Variants in RPGRIP1L observed in about 807,000 individuals in gnomAD.
RPGRIP1L encodes protein fantom.
In RPGRIP1L, 131 loss-of-function variants were observed where a neutral mutation model predicts 160.4. That is an observed-to-expected ratio of 0.82 (90% CI 0.71 to 0.94). The LOEUF (loss-of-function observed/expected upper bound fraction) is 0.94, where lower values mean the gene tolerates loss of function less well. Ranked by LOEUF, RPGRIP1L falls within the 40% of genes least tolerant of loss-of-function variation. RPGRIP1L has a pLI of 0.00. For missense variants in RPGRIP1L, 1,522 were observed against 1,535.8 expected, an observed-to-expected ratio of 0.99 and a Z score of 0.15; for synonymous variants, 510 against 515.8, an observed-to-expected ratio of 0.99 and a Z score of 0.15.
chr16:53,616,126 A>G (rs1004497036), intron 24 of RPGRIP1L, among the ~76,000 whole-genome samples: 1 of 152,186 alleles, frequency 6.6e-6, no homozygotes, highest in Non-Finnish European at 1.5e-5. Flanking sequence ...TTCAAACAGG[A>G]GACAGCATGT....
chr16:53,651,078 T>C (rs528566174), intron 15 of RPGRIP1L, among the ~76,000 whole-genome samples: 4 of 152,348 alleles, frequency 2.6e-5, no homozygotes, highest in African/African-American at 9.6e-5. Context: ...GGATGTCTAA[T>C]AGGCGGGTCA....
At chr16:53,620,486 G>C (rs1964637477) in intron 23 of RPGRIP1L, among the ~76,000 whole-genome samples, 1 of 152,112 alleles carries the variant, frequency 6.6e-6, no homozygotes, top group Non-Finnish European at 1.5e-5. Context: ...ACACCATTCT[G>C]TCTCCACTAA....
chr16:53,664,121 T>C (rs1182511501), intron 10 of RPGRIP1L, among the ~76,000 whole-genome samples: 1 of 152,210 alleles, frequency 6.6e-6, no homozygotes, highest in Non-Finnish European at 1.5e-5. Flanking sequence ...TAACAACACT[T>C]AAAGCAAATA....
chr16:53,622,963 C>T (rs1386619153), intron 22 of RPGRIP1L, among the ~76,000 whole-genome samples: 1 of 151,978 alleles, frequency 6.6e-6, no homozygotes, highest in Non-Finnish European at 1.5e-5. Context: ...CTTGCCACTG[C>T]ACTCTATGCA....
At chr16:53,688,826 C>T (rs561026996) in intron 4 of RPGRIP1L, among the ~76,000 whole-genome samples, 2 of 152,038 alleles carry the variant, frequency 1.3e-5, no homozygotes, top group South Asian at 4.1e-4. Context: ...CTATTACTCG[C>T]TCTTTCCAAA....
Position 53,658,003 on chromosome 16 carries a change from T to G in RPGRIP1L, c.1402-371A>C, listed in dbSNP as rs866494970. 1.5e-4 allele frequency among the ~76,000 whole-genome samples: 23 copies of G among 152,308 alleles called. 1 individual carries two copies. In the Middle Eastern group the frequency reaches 0.01, roughly 68 times the overall value. On this transcript the variant is annotated intron_variant, in intron 12 of 26. Transcript: ENST00000647211. ...GTGTCTTATAAATAACAGAATATTCTAGAATTAAAAATTATCTTCTTGAGA... is the reference window on the plus strand; with the variant it reads ...GTGTCTTATAAATAACAGAATATTCGAGAATTAAAAATTATCTTCTTGAGA...
At chr16:53,699,818 A>G (rs1212739661) in intron 2 of RPGRIP1L, among the ~76,000 whole-genome samples, 1 of 47,712 alleles carries the variant, frequency 2.1e-5, no homozygotes, top group South Asian at 5.8e-4. Context: ...ACTTCGTCTC[A>G]AAAAAAAAAA....
intron 4 of RPGRIP1L, among the ~76,000 whole-genome samples, chr16:53,689,920 G>A (rs1348570467): frequency 6.6e-6 from 1 of 152,188 alleles, no homozygotes; most frequent in Non-Finnish European, 1.5e-5. Flanking sequence ...ATGTAGTCAT[G>A]TTTTTAAGAG....
chr16:53,610,101 GCCGAGGGAGGA>G (rs1183658256), intron 25 of RPGRIP1L, among the ~76,000 whole-genome samples: 1 of 152,032 alleles, frequency 6.6e-6, no homozygotes, highest in African/African-American at 2.4e-5. Flanking sequence ...GGGTACTCAA[GCCGAGGGAGGA>G]CGGCCAGCAA....
chr16:53,692,250 C>G lies in RPGRIP1L; in HGVS notation c.345G>C (p.Leu115=), dbSNP rs1970435826. 17 of 1,614,054 alleles carry G rather than the reference C, an allele frequency of 1.1e-5. No individual in the cohort carries two copies. The highest frequency in any genetic ancestry group is 1.3e-5 in the African/African-American group (1 of 74,916). ...DVEMEEMIEQ[L]QEKVHELEKQ... ...TTTCAAGCTCATGAACTTTCTCTTG[C>G]AGCTGCTCAATCATTTCTTCCATTT... is the stretch of plus-strand genomic sequence containing the variant. The change falls in exon 4 of 27, where the codon CTG becomes CTC. Residue 115 remains leucine, a synonymous_variant. Coordinates refer to ENST00000647211, the MANE Select transcript of RPGRIP1L (RefSeq NM_015272.5).
chr16:53,685,196 CA>C (rs972528209), intron 6 of RPGRIP1L, among the ~76,000 whole-genome samples: 13 of 151,838 alleles, frequency 8.6e-5, no homozygotes, highest in African/African-American at 2.9e-4. Context: ...ACTGGCGAGT[CA>C]AAAAACAACA....
chr16:53,606,222 AC>A (rs1371479329), intron 25 of RPGRIP1L, among the ~76,000 whole-genome samples: 21 of 152,206 alleles, frequency 1.4e-4, no homozygotes, highest in Non-Finnish European at 1.8e-4. Flanking sequence ...GTTTTATTTT[AC>A]TTTAAGACAT....
At chr16:53,697,357 C>T (rs1314163091) in intron 2 of RPGRIP1L, among the ~76,000 whole-genome samples, 2 of 137,030 alleles carry the variant, frequency 1.5e-5, no homozygotes, top group African/African-American at 5.0e-5. Flanking sequence ...TCTCCCTCTC[C>T]CCACGGTCTC....
chr16:53,654,846 A>T (rs767007340), intron 14 of RPGRIP1L, among the ~76,000 whole-genome samples: 91 of 152,306 alleles, frequency 6.0e-4, no homozygotes, highest in Admixed American at 3.5e-3. Flanking sequence ...ACAAATTTTT[A>T]TTGAGTACTA....
rs1598354865 is a variant in RPGRIP1L at position 53,663,518 on chromosome 16, G to A, written c.1243+1352C>T. On this transcript the variant is annotated intron_variant, in intron 10 of 26. Coordinates refer to ENST00000647211, the MANE Select transcript of RPGRIP1L (RefSeq NM_015272.5). ...TTGGAAAAGAGAGAGGGAATATAGA[G>A]CACTTCCACATTTTTACCTAAACAA... Among the ~76,000 whole-genome samples the A allele has an allele frequency of 2.0e-5, 3 of 152,150 alleles. 1 individual carries two copies. The highest frequency in any genetic ancestry group is 4.4e-5 in the Non-Finnish European group (3 of 67,934).
At chr16:53,622,683 G>A (rs747757149) in intron 22 of RPGRIP1L, among the ~76,000 whole-genome samples, 12 of 152,034 alleles carry the variant, frequency 7.9e-5, no homozygotes, top group Non-Finnish European at 1.6e-4. Context: ...AGCACTTTGG[G>A]AGGCTGAGGA....
In RPGRIP1L at chr16:53,615,472, A is replaced by AT. The variant is rs1166401715; in HGVS notation, c.3616+3552dup. On this transcript the variant is annotated intron_variant, in intron 24 of 26. Transcript: ENST00000647211. The stretch of plus-strand genomic sequence containing the variant: ...TAAGAATATATATATATATATATAT[A>AT]TTTTTTTTTTTTTTTTTTTGAGATG... 2.9e-3 allele frequency among the ~76,000 whole-genome samples: 215 copies of AT among 75,022 alleles called. 3 individuals are homozygous for AT. The highest frequency in any genetic ancestry group is 8.3e-3 in the African/African-American group (156 of 18,860). The allele number at this position is 75,022 out of a possible 152,430, so 49.2% of individuals were successfully genotyped here. A position where few individuals can be genotyped will look rare whatever the true frequency, so the allele number is the denominator to read the frequency against.
At chr16:53,665,825 T>C (rs1791696093) in intron 9 of RPGRIP1L, among the ~76,000 whole-genome samples, 2 of 152,284 alleles carry the variant, frequency 1.3e-5, no homozygotes, top group African/African-American at 4.8e-5. Context: ...TAAATACTGG[T>C]AGTAGGCCAG....
rs780306746 is a variant in RPGRIP1L at position 53,664,976 on chromosome 16, C to T, written c.1137G>A (p.Lys379=). 4.3e-6 allele frequency: 7 copies of T among 1,613,696 alleles called. No homozygotes were observed. Among genetic ancestry groups the T allele is most frequent in the Non-Finnish European group, 5.1e-6 (6 of 1,179,908 alleles). The change falls in exon 10 of 27, where the codon AAG becomes AAA. Residue 379 remains lysine, a synonymous_variant. Transcript: ENST00000647211. Reference sequence around the variant, plus strand: ...GCACTTTCAGCTGTTGCTCCTTTAACTTCCATTGCTCTTCATGGGCAGCAC... The same window carrying T: ...GCACTTTCAGCTGTTGCTCCTTTAATTTCCATTGCTCTTCATGGGCAGCAC... The part of the protein sequence containing the change: ...AFSAAHEEQW[K]LKEQQLKVQI...
Sources: allele counts gnomAD v4.1 joint callset (sites outside exome capture counted in the v4.1 genomes callset), GRCh38; gene constraint gnomAD v4.1.1; transcripts MANE v1.5; gene names NCBI Gene and HGNC (gene_info 2026-07-23, HGNC 2026-07-21).